The following SLC16A7 variants were observed in gnomAD, a reference collection of about 807,000 sequenced individuals.
SLC16A7 encodes monocarboxylate transporter 2.
A neutral mutation model predicts 34.9 loss-of-function variants in SLC16A7; 33 were observed. That is an observed-to-expected ratio of 0.94 (90% CI 0.72 to 1.26). SLC16A7 has a LOEUF of 1.26. Among genes scored for constraint, SLC16A7 ranks in the 50% most tolerant of loss-of-function variants. The pLI, the probability that SLC16A7 is intolerant of heterozygous loss-of-function variation, is 0.00. For synonymous variants in SLC16A7, 201 were observed against 206.6 expected (o/e 0.97, Z 0.23); for missense variants, 573 against 578.1 (o/e 0.99, Z 0.09).
intron 3 of SLC16A7, among the ~76,000 whole-genome samples, chr12:59,736,259 T>C (rs1877577820): frequency 6.6e-6 from 1 of 152,090 alleles, no homozygotes; most frequent in African/African-American, 2.4e-5. Flanking sequence ...TAAAAATTGC[T>C]AGAGAGTGGG....
intron 1 of SLC16A7, among the ~76,000 whole-genome samples, chr12:59,644,622 C>G (rs1005099957): frequency 5.9e-5 from 9 of 152,080 alleles, no homozygotes; most frequent in Non-Finnish European, 1.2e-4. Context: ...TAGAAGTTAC[C>G]TTGGACCTGT....
chr12:59,616,919 G>A (rs531495837), intron 1 of SLC16A7, among the ~76,000 whole-genome samples: 9 of 152,140 alleles, frequency 5.9e-5, no homozygotes, highest in African/African-American at 1.7e-4. Flanking sequence ...TTCTGCCTGA[G>A]AATTTACTTA....
intron 1 of SLC16A7, among the ~76,000 whole-genome samples, chr12:59,599,991 T>C (rs554810625): frequency 6.6e-6 from 1 of 152,326 alleles, no homozygotes; most frequent in African/African-American, 2.4e-5. Flanking sequence ...CGAGGGGCTC[T>C]GAAGTCCAGC....
chr12:59,719,130 A>G (rs1875265340), intron 3 of SLC16A7, among the ~76,000 whole-genome samples: 1 of 152,214 alleles, frequency 6.6e-6, no homozygotes, highest in Non-Finnish European at 1.5e-5. Context: ...TAGGTGCACA[A>G]AATGAGCACC....
At position 59,596,404 on chromosome 12, in the gene SLC16A7, G is replaced by A. The variant is rs1474034878; in HGVS notation, c.-130+168G>A. ...GTGCCAACGCAGAGTTGGCCAGCGA[G>A]CCCTTATATAGACAAAAAAATCCCG... On this transcript the variant is annotated intron_variant, in intron 1 of 5. Coordinates refer to ENST00000547379, the MANE Select transcript of SLC16A7 (RefSeq NM_001270623.2). This position sits in a 1 kb window ranked among gnomAD's most constrained non-coding sequence, Gnocchi z 5.0. Among the ~76,000 whole-genome samples the A allele has an allele frequency of 1.3e-5, 2 of 152,040 alleles. No homozygotes were observed. Among genetic ancestry groups the A allele is most frequent in the Non-Finnish European group, 2.9e-5 (2 of 68,038 alleles).
chr12:59,745,000 G>A (rs562353080), intron 3 of SLC16A7, among the ~76,000 whole-genome samples: 9 of 152,274 alleles, frequency 5.9e-5, no homozygotes, highest in African/African-American at 2.2e-4. Flanking sequence ...GCTTCATTAT[G>A]AGAGCCTCAT....
intron 3 of SLC16A7, among the ~76,000 whole-genome samples, chr12:59,732,895 CTT>C (rs1877123524): frequency 6.6e-6 from 1 of 152,130 alleles, no homozygotes; most frequent in Non-Finnish European, 1.5e-5. Flanking sequence ...GACAAGATCA[CTT>C]TTAAATGTCT....
chr12:59,671,678 CTA>C (rs368528646), intron 2 of SLC16A7, among the ~76,000 whole-genome samples: 23,998 of 143,688 alleles, frequency 0.17, 2,438 homozygotes, highest in East Asian at 0.54. Context: ...CTCTCTCTCT[CTA>C]TATATATATA....
chr12:59,620,139 T>G (rs1287942383), intron 1 of SLC16A7, among the ~76,000 whole-genome samples: 3 of 151,950 alleles, frequency 2.0e-5, no homozygotes, highest in African/African-American at 7.2e-5. Flanking sequence ...GTGTGGTTTT[T>G]TTTTTCTCCT....
At chr12:59,731,447 C>A (rs755423687) in intron 3 of SLC16A7, among the ~76,000 whole-genome samples, 1 of 152,162 alleles carries the variant, frequency 6.6e-6, no homozygotes, top group Non-Finnish European at 1.5e-5. Flanking sequence ...GGAAAGCAAG[C>A]CTGGTAGCCC....
At chr12:59,691,312 T>C (rs577489371) in intron 2 of SLC16A7, among the ~76,000 whole-genome samples, 1 of 152,122 alleles carries the variant, frequency 6.6e-6, no homozygotes, top group Admixed American at 6.6e-5. Flanking sequence ...AGTGGCAGTC[T>C]ACAAGTGGAT....
intron 1 of SLC16A7, among the ~76,000 whole-genome samples, chr12:59,622,552 T>C (rs1252250070): frequency 2.6e-5 from 4 of 151,886 alleles, no homozygotes; most frequent in South Asian, 2.1e-4. Flanking sequence ...TCTTTTTTGA[T>C]ATGTGATTAT....
intron 1 of SLC16A7, among the ~76,000 whole-genome samples, chr12:59,609,863 C>T (rs1014498903): frequency 1.3e-5 from 2 of 152,088 alleles, no homozygotes; most frequent in Admixed American, 1.3e-4. Context: ...AGTTTATACA[C>T]TCAGATTTTT....
intron 4 of SLC16A7, 55 bp downstream of exon 4, chr12:59,771,417 T>C (rs991012871): frequency 8.1e-7 from 1 of 1,237,632 alleles, no homozygotes; most frequent in Admixed American, 2.7e-5. Flanking sequence ...TTCAAAGCTC[T>C]ATGAGAAGAA....
At chr12:59,617,948 T>G (rs1352152883) in intron 1 of SLC16A7, among the ~76,000 whole-genome samples, 2 of 151,974 alleles carry the variant, frequency 1.3e-5, no homozygotes, top group Admixed American at 1.3e-4. Flanking sequence ...CAATTTAAAT[T>G]TTTGAACTCA....
At chr12:59,633,336 CT>C (rs1565625582) in intron 1 of SLC16A7, among the ~76,000 whole-genome samples, 1 of 151,958 alleles carries the variant, frequency 6.6e-6, no homozygotes, top group African/African-American at 2.4e-5. Context: ...ACATCAGATA[CT>C]AATGGACTAC....
chr12:59,692,727 A>G (rs1592508551), intron 2 of SLC16A7, among the ~76,000 whole-genome samples: 1 of 151,984 alleles, frequency 6.6e-6, no homozygotes, highest in South Asian at 2.1e-4. Context: ...AACCACCGCA[A>G]TAGTGTAGTC....
At chr12:59,611,471 G>A (rs1233050288) in intron 1 of SLC16A7, among the ~76,000 whole-genome samples, 1 of 152,182 alleles carries the variant, frequency 6.6e-6, no homozygotes, top group Non-Finnish European at 1.5e-5. Flanking sequence ...AGGAACTACA[G>A]TTCAAGAGAA....
At chr12:59,756,493 AAC>A (rs1428986385) in intron 3 of SLC16A7, among the ~76,000 whole-genome samples, 2 of 152,128 alleles carry the variant, frequency 1.3e-5, no homozygotes, top group African/African-American at 4.8e-5. Flanking sequence ...GCAGCCAAAA[AAC>A]ACATGTAAAA....
Sources: gnomAD v4.1 joint callset for allele counts (sites outside exome capture counted in the v4.1 genomes callset) on GRCh38, gnomAD v4.1.1 for gene constraint, Gnocchi (gnomAD v3.1) non-coding constraint, MANE v1.5 for transcripts, NCBI Gene and HGNC (gene_info 2026-07-23, HGNC 2026-07-21) for gene names.